Variants in RASGRP1 observed in about 807,000 individuals in gnomAD.
RASGRP1 encodes the protein RAS guanyl-releasing protein 1.
Under a neutral mutation model 95.1 loss-of-function variants are expected in RASGRP1, and 37 were observed. That is an observed-to-expected ratio of 0.39 (90% CI 0.30 to 0.51). The LOEUF (loss-of-function observed/expected upper bound fraction) is 0.51, where lower values mean the gene tolerates loss of function less well. Ranked by LOEUF, RASGRP1 falls within the 20% of genes least tolerant of loss-of-function variation. The pLI is 0.80. For synonymous variants in RASGRP1, 325 were observed against 353.4 expected (o/e 0.92, Z 0.90); for missense variants, 711 against 965.4 (o/e 0.74, Z 3.49).
chr15:38,490,512 A>G lies in RASGRP1; in HGVS notation c.*42T>C. ...TGTGCATTACAGTTTAGGAAATGAG[A>G]TCACTATACTCATCTACAGATTGTG... On this transcript the variant is annotated 3_prime_UTR_variant, in exon 17 of 17. Transcript: ENST00000310803. 6.3e-7 allele frequency: 1 copy of G among 1,585,330 alleles called. No individual in the cohort carries two copies.
intron 2 of RASGRP1, among the ~76,000 whole-genome samples, chr15:38,542,375 C>A (rs1892901834): frequency 6.6e-6 from 1 of 152,024 alleles, no homozygotes; most frequent in Non-Finnish European, 1.5e-5. Context: ...ACCAACGGAA[C>A]TCAAAATAGA....
At chr15:38,504,683 G>A (rs1378563839) in intron 10 of RASGRP1, 2 of 151,292 alleles carry the variant, frequency 1.3e-5, no homozygotes, top group African/African-American at 2.5e-5. Flanking sequence ...GTATTGTATA[G>A]TAAGTGCATA....
intron 2 of RASGRP1, among the ~76,000 whole-genome samples, chr15:38,547,866 C>T (rs191873865): frequency 1.9e-3 from 289 of 150,566 alleles, no homozygotes; most frequent in Admixed American, 5.3e-3. Flanking sequence ...TGCGCGCGCG[C>T]GTGTGTGTGT....
At chr15:38,526,540 C>T in intron 2 of RASGRP1, 136 bp from the exon 3 acceptor site, 2 of 613,208 alleles carry the variant, frequency 3.3e-6, no homozygotes, top group Non-Finnish European at 5.7e-6. Flanking sequence ...CTAGCACAGC[C>T]CCCCTCTGTT....
At chr15:38,527,424 T>C (rs545724110) in intron 2 of RASGRP1, among the ~76,000 whole-genome samples, 6 of 152,334 alleles carry the variant, frequency 3.9e-5, no homozygotes, top group African/African-American at 1.4e-4. Flanking sequence ...CCAGCTCTCG[T>C]TGGATCTAAT....
chr15:38,500,842 TATGTCTTTGTTA>T (rs1201239734), intron 13 of RASGRP1, among the ~76,000 whole-genome samples: 1 of 152,184 alleles, frequency 6.6e-6, no homozygotes, highest in African/African-American at 2.4e-5. Flanking sequence ...AGGTATCTCA[TATGTCTTTGTTA>T]TAACACTTGA....
intron 1 of RASGRP1, among the ~76,000 whole-genome samples, chr15:38,564,251 A>T (rs1893934700): frequency 6.6e-6 from 1 of 152,134 alleles, no homozygotes; most frequent in South Asian, 2.1e-4. Context: ...AAAGTCCGCG[A>T]GTGGGAGTCC....
chr15:38,560,151 C>T, intron 1 of RASGRP1, 146 bp from the exon 2 acceptor site: 1 of 722,756 alleles, frequency 1.4e-6, no homozygotes, highest in Non-Finnish European at 2.3e-6. Context: ...GGCAAATGCA[C>T]CAAATGACTG....
chr15:38,509,134 A>T (rs1368522593), intron 8 of RASGRP1, among the ~76,000 whole-genome samples: 2 of 151,886 alleles, frequency 1.3e-5, no homozygotes, highest in African/African-American at 2.4e-5. Flanking sequence ...ATTCCTTCTT[A>T]CTTAGATCTT....
At chr15:38,497,912 G>T (rs35255366) in intron 15 of RASGRP1, among the ~76,000 whole-genome samples, 28,155 of 152,172 alleles carry the variant, frequency 0.19, 3,017 homozygotes, top group Non-Finnish European at 0.25. Context: ...ACTTGAGTGG[G>T]AGTTTGCCCC....
chr15:38,554,843 T>C (rs932712679), intron 2 of RASGRP1, among the ~76,000 whole-genome samples: 37 of 152,326 alleles, frequency 2.4e-4, no homozygotes, highest in African/African-American at 7.9e-4. Flanking sequence ...ACTGGGAGGT[T>C]CCACTGAGGA....
chr15:38,502,441 T>C lies in RASGRP1; in HGVS notation c.1429-20A>G, dbSNP rs1351230335. On this transcript the variant is annotated intron_variant, in intron 11 of 16. Coordinates refer to ENST00000310803, the MANE Select transcript of RASGRP1 (RefSeq NM_005739.4). ...GACAGACTGTGAAAAAGGAGTTTTT[T>C]TGGTGATTACTAAAGAGAAACCGGT... 7.4e-6 allele frequency: 11 copies of C among 1,481,102 alleles called. No individual in the cohort carries two copies. In the Admixed American group the frequency reaches 1.7e-4, roughly 23 times the overall value. 91.7% of individuals were successfully genotyped at this position (1,481,102 alleles called of 1,614,324 possible). A position where few individuals can be genotyped will look rare whatever the true frequency, so the allele number is the denominator to read the frequency against.
chr15:38,536,199 G>A (rs536183299), intron 2 of RASGRP1, among the ~76,000 whole-genome samples: 4 of 152,230 alleles, frequency 2.6e-5, no homozygotes, highest in Admixed American at 1.3e-4. Context: ...TGCCATGCAC[G>A]CAACCCCATG....
At chr15:38,515,967 G>T (rs28597773) in intron 6 of RASGRP1, among the ~76,000 whole-genome samples, 1 of 151,282 alleles carries the variant, frequency 6.6e-6, no homozygotes. Context: ...GTGAGTGGTG[G>T]GATGGTATGG....
intron 4 of RASGRP1, 74 bp downstream of exon 4, chr15:38,519,235 C>G (rs985072094): frequency 7.8e-7 from 1 of 1,277,762 alleles, no homozygotes; most frequent in African/African-American, 1.5e-5. Flanking sequence ...TCAGGAAAGG[C>G]AGGGAAAGTC....
chr15:38,501,113 C>T, intron 13 of RASGRP1, 30 bp downstream of exon 13: 1 of 1,559,066 alleles, frequency 6.4e-7, no homozygotes, highest in Non-Finnish European at 8.7e-7. Context: ...TCCCCAAATT[C>T]AGCCCTGGAG....
intron 3 of RASGRP1, among the ~76,000 whole-genome samples, chr15:38,522,046 A>G (rs1456812797): frequency 6.6e-6 from 1 of 152,200 alleles, no homozygotes; most frequent in African/African-American, 2.4e-5. Flanking sequence ...AAATATAAAA[A>G]GTATCCCAAT....
chr15:38,546,095 T>C lies in RASGRP1; in HGVS notation c.220+13726A>G, dbSNP rs575372664. Among the ~76,000 whole-genome samples the C allele has an allele frequency of 3.3e-5, 5 of 152,366 alleles. No individual in the cohort carries two copies. The South Asian group carries it at 6.2e-4, about 19-fold the overall frequency. Reference sequence around the variant, plus strand: ...TTGGATCCTCTGGCAAGCTGCATTATTAACCTGAAAAAGCCATACACTAAC... The same window carrying C: ...TTGGATCCTCTGGCAAGCTGCATTACTAACCTGAAAAAGCCATACACTAAC... On this transcript the variant is annotated intron_variant, in intron 2 of 16. Coordinates refer to ENST00000310803, the MANE Select transcript of RASGRP1 (RefSeq NM_005739.4).
At chr15:38,507,054 A>C (rs1038075257) in intron 9 of RASGRP1, among the ~76,000 whole-genome samples, 1 of 152,166 alleles carries the variant, frequency 6.6e-6, no homozygotes, top group African/African-American at 2.4e-5. Context: ...CAGGTTAAAA[A>C]CTGTGTAACT....
Sources: gnomAD v4.1 joint callset for allele counts (sites outside exome capture counted in the v4.1 genomes callset) on GRCh38, gnomAD v4.1.1 for gene constraint, MANE v1.5 for transcripts, NCBI Gene and HGNC (gene_info 2026-07-23, HGNC 2026-07-21) for gene names.